VPS35: variants seen among roughly 807,000 people sequenced by gnomAD.
VPS35 encodes the protein VPS35 retromer complex component, also known as vacuolar protein sorting-associated protein 35.
In VPS35, 21 loss-of-function variants were observed where a neutral mutation model predicts 98.1. The observed-to-expected ratio is 0.21, with a 90% CI of 0.15 to 0.31. The LOEUF (loss-of-function observed/expected upper bound fraction) is 0.31, where lower values mean the gene tolerates loss of function less well. VPS35 is among the 10% of genes least tolerant of loss of function. The pLI is 1.00. For missense variants in VPS35, 554 were observed against 950.8 expected, an observed-to-expected ratio of 0.58 and a Z score of 5.49; for synonymous variants, 268 against 318.2, an observed-to-expected ratio of 0.84 and a Z score of 1.68.
At chr16:46,674,181 T>C (rs1347002465) in intron 10 of VPS35, 133 bp downstream of exon 10, 1 of 1,009,766 alleles carries the variant, frequency 9.9e-7, no homozygotes, top group African/African-American at 1.6e-5. Context: ...CCCCTAGTAG[T>C]GCTAAGCATG....
intron 5 of VPS35, among the ~76,000 whole-genome samples, chr16:46,680,444 AGGTCCTAAC>A (rs373187845): frequency 2.6e-5 from 4 of 152,238 alleles, no homozygotes; most frequent in African/African-American, 7.2e-5. Flanking sequence ...TGAAAAAAGC[AGGTCCTAAC>A]AATCCAAAGA....
chr16:46,679,611 T>C (rs1338688552), intron 5 of VPS35, among the ~76,000 whole-genome samples: 2 of 152,240 alleles, frequency 1.3e-5, no homozygotes, highest in Admixed American at 1.3e-4. Context: ...ACTTATGGTG[T>C]ACTGCTAACT....
rs376786968 is a variant in VPS35, at chr16:46,663,107, A to G, written c.1703T>C (p.Ile568Thr). The change falls in exon 14 of 17, where the codon ATC (isoleucine) becomes ACC (threonine). Residue 568 changes from isoleucine (I) to threonine (T), a missense_variant. Physicochemically the swap from Ile to Thr is moderately conservative, Grantham distance 89 (BLOSUM62 -1). This residue lies in a region of VPS35 where 254 missense variants were observed against 390.1 expected (regional missense o/e 0.65). Coordinates refer to ENST00000299138, the MANE Select transcript of VPS35 (RefSeq NM_018206.6). ...CAGCTCTGCTTTGATCAAAGCACTGATAGTCTGGTGGGCAAATGAAAAAAT... is the reference window on the plus strand; with the variant it reads ...CAGCTCTGCTTTGATCAAAGCACTGGTAGTCTGGTGGGCAAATGAAAAAAT... The part of the protein sequence containing the change: ...QKIFSFAHQT[I>T]SALIKAELAE... The G allele has an allele frequency of 1.2e-6, 2 of 1,614,204 alleles. No individual in the cohort carries two copies. Among genetic ancestry groups the G allele is most frequent in the Non-Finnish European group, 1.7e-6 (2 of 1,180,020 alleles).
Position 46,678,961 on chromosome 16 carries a change from A to C in VPS35, c.702T>G (p.Asn234Lys). 1 of 1,614,170 alleles carries C rather than the reference A, an allele frequency of 6.2e-7. No individual in the cohort carries two copies. The highest frequency in any genetic ancestry group is 8.5e-7 in the Non-Finnish European group (1 of 1,180,010). ...TATAAACCTGTTTGTAACGTTCCAC[A>C]TTTACACCTTCCAACTGACTGAGGC... is the stretch of plus-strand genomic sequence containing the variant. ...LVRLSQLEGV[N>K]VERYKQIVLT... The change falls in exon 6 of 17, where the codon AAT (asparagine) becomes AAG (lysine). Residue 234 changes from asparagine to lysine, a missense_variant. Physicochemically the swap from Asn to Lys is moderately conservative, Grantham distance 94. This residue lies in a region of VPS35 where 77 missense variants were observed against 222.3 expected (regional missense o/e 0.35). Coordinates refer to ENST00000299138, the MANE Select transcript of VPS35 (RefSeq NM_018206.6).
At chr16:46,662,927 C>T in intron 14 of VPS35, 56 bp downstream of exon 14, 1 of 1,606,238 alleles carries the variant, frequency 6.2e-7, no homozygotes, top group East Asian at 2.2e-5. Flanking sequence ...TGCCTGCAAA[C>T]AAGCAACTGA....
At chr16:46,687,412 A>G (rs2143009583) in intron 1 of VPS35, among the ~76,000 whole-genome samples, 1 of 152,334 alleles carries the variant, frequency 6.6e-6, no homozygotes, top group Non-Finnish European at 1.5e-5. Flanking sequence ...GAGCACACTG[A>G]ACGTTTTGGC....
chr16:46,677,390 C>T lies in VPS35; in HGVS notation c.729G>A (p.Leu243=). The T allele has an allele frequency of 3.7e-6, 6 of 1,613,718 alleles. No individual in the cohort carries two copies. Among genetic ancestry groups the T allele is most frequent in the Non-Finnish European group, 5.1e-6 (6 of 1,179,752 alleles). Residue 243 remains leucine, a synonymous_variant, in exon 7 of 17, where the codon TTG becomes TTA. Coordinates refer to ENST00000299138, the MANE Select transcript of VPS35 (RefSeq NM_018206.6). The part of the protein sequence containing the change: ...VNVERYKQIV[L]TGILEQVVNC... Reference sequence around the variant, plus strand: ...TTACAACTTGCTCCAATATGCCAGTCAAAACAATCTAAAAGAGAAAAAACA... The same window carrying T: ...TTACAACTTGCTCCAATATGCCAGTTAAAACAATCTAAAAGAGAAAAAACA...
rs190210064 is a variant in VPS35 at position 46,688,647 on chromosome 16, T to C, written c.3+484A>G. ...TATGAGGCCAAGAAAGGCCAAGGAA[T>C]CACTGCGACCCCTCCAGGAGGGCGT... On this transcript the variant is annotated intron_variant, in intron 1 of 16. Transcript: ENST00000299138. 1.2e-4 allele frequency: 124 copies of C among 1,020,904 alleles called. 1 individual carries two copies. In the East Asian group the frequency reaches 8.9e-3, roughly 73 times the overall value. 63.2% of individuals were successfully genotyped at this position (1,020,904 alleles called of 1,614,324 possible). A position where few individuals can be genotyped will look rare whatever the true frequency, so the allele number is the denominator to read the frequency against.
At chr16:46,687,682 A>C (rs1298104619) in intron 1 of VPS35, among the ~76,000 whole-genome samples, 1 of 152,210 alleles carries the variant, frequency 6.6e-6, no homozygotes, top group East Asian at 1.9e-4. Flanking sequence ...GTGACACTGA[A>C]GGCACACAAG....
chr16:46,665,754 A>G (rs1965979938), intron 13 of VPS35, among the ~76,000 whole-genome samples: 1 of 152,156 alleles, frequency 6.6e-6, no homozygotes, highest in Non-Finnish European at 1.5e-5. Flanking sequence ...GAAAGTTTGT[A>G]TTCTTTGGCA....
intron 4 of VPS35, among the ~76,000 whole-genome samples, 176 bp from the exon 5 acceptor site, chr16:46,681,029 C>CCA (rs1385033659): frequency 6.6e-5 from 5 of 75,628 alleles, no homozygotes; most frequent in African/African-American, 2.2e-4. Flanking sequence ...TCTAAAAAAA[C>CCA]TATACACACA....
rs908749023 is a variant in VPS35, at chr16:46,672,344, T to C, written c.1289A>G (p.Tyr430Cys). 2.5e-6 allele frequency: 4 copies of C among 1,613,712 alleles called. No homozygotes were observed. The highest frequency in any genetic ancestry group is 1.3e-5 in the African/African-American group (1 of 74,916). ...HFHPLFEYFDYESRKSMSCYV... is the reference protein window; with the variant it reads ...HFHPLFEYFDCESRKSMSCYV... ...ACAACTCATGCTCTTTCTGGACTCG[T>C]AGTCAAAGTACTCAAAGAGTGGGTG... Residue 430 changes from tyrosine (Y) to cysteine (C), a missense_variant, in exon 11 of 17, where the codon TAC (tyrosine) becomes TGC (cysteine). Transcript: ENST00000299138.
rs762144323 is a variant in VPS35 at position 46,689,149 on chromosome 16, C to G, written c.-16G>C. The G allele has an allele frequency of 3.1e-6, 5 of 1,608,612 alleles. No homozygotes were observed. The highest frequency in any genetic ancestry group is 4.5e-5 in the East Asian group (2 of 44,672). ...CACTCACCATGGCGACTCCCCAGAG[C>G]CTGCAGCAAGCAGCACCCGCCCCGC... On this transcript the variant is annotated 5_prime_UTR_variant, in exon 1 of 17. Transcript: ENST00000299138.
chr16:46,674,700 A>G (rs1289700853), intron 8 of VPS35, 40 bp from the exon 9 acceptor site: 3 of 1,507,508 alleles, frequency 2.0e-6, no homozygotes, highest in South Asian at 2.4e-5. Flanking sequence ...TAAAAGATAC[A>G]GGGTTTGGGT....
intron 1 of VPS35, among the ~76,000 whole-genome samples, chr16:46,686,423 G>A (rs573431642): frequency 6.6e-6 from 1 of 152,266 alleles, no homozygotes; most frequent in African/African-American, 2.4e-5. Context: ...AAGATTTAGA[G>A]ATGTGTAAAC....
intron 13 of VPS35, among the ~76,000 whole-genome samples, chr16:46,663,862 A>ATTTTTTTTTTTTT (rs546485076): frequency 0.015 from 427 of 28,684 alleles, 138 homozygotes; most frequent in Admixed American, 0.02. Context: ...CACCTGGCTA[A>ATTTTTTTTTTTTT]TTTTTTTTTT....
intron 1 of VPS35, chr16:46,688,177 A>G: frequency 5.2e-6 from 2 of 384,938 alleles, no homozygotes; most frequent in Non-Finnish European, 7.1e-6. Flanking sequence ...ATCTGTTTCC[A>G]GGCTTACAGA....
intron 13 of VPS35, among the ~76,000 whole-genome samples, chr16:46,665,390 A>G (rs1415238765): frequency 6.6e-6 from 1 of 152,158 alleles, no homozygotes; most frequent in African/African-American, 2.4e-5. Flanking sequence ...TGAGCCCAAG[A>G]GTTTCAGACC....
intron 13 of VPS35, among the ~76,000 whole-genome samples, chr16:46,664,390 C>T (rs140601191): frequency 1.7e-3 from 255 of 152,238 alleles, no homozygotes; most frequent in Non-Finnish European, 3.0e-3. Context: ...CTGCTGACCT[C>T]AAGTGATCCA....
Sources: allele counts gnomAD v4.1 joint callset (sites outside exome capture counted in the v4.1 genomes callset), GRCh38; gene constraint gnomAD v4.1.1; regional missense constraint gnomAD v4.1.1; transcripts MANE v1.5; gene names NCBI Gene and HGNC (gene_info 2026-07-23, HGNC 2026-07-21).